Variants in ST8SIA1 observed in about 807,000 individuals in gnomAD.
ST8SIA1 encodes alpha-N-acetylneuraminide alpha-2,8-sialyltransferase.
In ST8SIA1, 16 loss-of-function variants were observed where a neutral mutation model predicts 35.9. That is an observed-to-expected ratio of 0.45 (90% CI 0.30 to 0.68). The LOEUF (loss-of-function observed/expected upper bound fraction) is 0.68, where lower values mean the gene tolerates loss of function less well. ST8SIA1 is among the 30% of genes least tolerant of loss of function. The pLI, the probability that ST8SIA1 is intolerant of heterozygous loss-of-function variation, is 0.09. For synonymous variants in ST8SIA1, 170 were observed against 169.6 expected, an observed-to-expected ratio of 1.00 and a Z score of -0.02; for missense variants, 383 against 453.6, an observed-to-expected ratio of 0.84 and a Z score of 1.41.
chr12:22,217,890 G>T (rs1865252077), intron 4 of ST8SIA1, among the ~76,000 whole-genome samples: 1 of 152,170 alleles, frequency 6.6e-6, no homozygotes, highest in Non-Finnish European at 1.5e-5. Context: ...CCTAGCCTTG[G>T]TATGTCTGTG....
intron 4 of ST8SIA1, among the ~76,000 whole-genome samples, chr12:22,247,053 C>T (rs959939118): frequency 6.6e-6 from 1 of 151,710 alleles, no homozygotes; most frequent in Non-Finnish European, 1.5e-5. Context: ...TATATTTTTT[C>T]CCCCAAAACA....
chr12:22,332,133 T>C lies in ST8SIA1; in HGVS notation c.236+1864A>G, dbSNP rs374502012. On this transcript the variant is annotated intron_variant, in intron 1 of 4. Coordinates refer to ENST00000396037, the MANE Select transcript of ST8SIA1 (RefSeq NM_003034.4). ...TCAAACTTATTTCAATAAGCAATGG[T>C]GCCTTTTACATGGTTTTACAGCCAC... is the stretch of plus-strand genomic sequence containing the variant. 2.7e-4 allele frequency among the ~76,000 whole-genome samples: 41 copies of C among 152,310 alleles called. No individual in the cohort carries two copies. In the East Asian group the frequency reaches 5.4e-3, roughly 20 times the overall value.
intron 2 of ST8SIA1, among the ~76,000 whole-genome samples, chr12:22,261,702 C>T (rs1360916923): frequency 3.9e-5 from 6 of 152,074 alleles, no homozygotes; most frequent in Admixed American, 2.0e-4. Context: ...GAAGAACAAC[C>T]GTGAGCCCCA....
At chr12:22,271,283 C>A (rs74068794) in intron 2 of ST8SIA1, among the ~76,000 whole-genome samples, 5,330 of 152,280 alleles carry the variant, frequency 0.035, 331 homozygotes, top group African/African-American at 0.12. Context: ...ACAGAAAGTT[C>A]AGAGTTGGCC....
At chr12:22,239,562 T>C (rs1051083627) in intron 4 of ST8SIA1, among the ~76,000 whole-genome samples, 12 of 152,254 alleles carry the variant, frequency 7.9e-5, no homozygotes, top group African/African-American at 2.4e-4. Flanking sequence ...CTTCTCATTC[T>C]TTTTATTTTC....
chr12:22,220,155 A>G (rs1865281188), intron 4 of ST8SIA1, among the ~76,000 whole-genome samples: 1 of 152,206 alleles, frequency 6.6e-6, no homozygotes, highest in Admixed American at 6.5e-5. Context: ...AAAAACATAT[A>G]CTGAGGAACA....
In ST8SIA1 at chr12:22,249,048, T is replaced by A; in HGVS notation, c.542A>T (p.Lys181Ile). The change falls in exon 4 of 5, where the codon AAA becomes ATA. Residue 181 changes from lysine to isoleucine, a missense_variant. Lys to Ile is a moderately radical substitution (Grantham distance 102). Coordinates refer to ENST00000396037, the MANE Select transcript of ST8SIA1 (RefSeq NM_003034.4). ...GGGATTAGCTGTCACTAACTGACTT[T>A]TGGATCCAACATCCTTAGTGTATTC... ...SSEYTKDVGS[K>I]SQLVTANPSI... The A allele has an allele frequency of 1.2e-6, 2 of 1,614,006 alleles. No homozygotes were observed. Among genetic ancestry groups the A allele is most frequent in the Non-Finnish European group, 8.5e-7 (1 of 1,179,942 alleles).
At chr12:22,319,686 T>C (rs1414582686) in intron 1 of ST8SIA1, among the ~76,000 whole-genome samples, 2 of 151,946 alleles carry the variant, frequency 1.3e-5, no homozygotes, top group Non-Finnish European at 1.5e-5. Context: ...TTGGCGAACA[T>C]GAAGGGAAAA....
chr12:22,277,359 T>C lies in ST8SIA1; in HGVS notation c.381+9790A>G, dbSNP rs568942876. Among the ~76,000 whole-genome samples, 397 of 149,712 alleles carry C rather than the reference T, an allele frequency of 2.7e-3. 3 individuals carry two copies. The highest frequency in any genetic ancestry group is 9.2e-3 in the African/African-American group (374 of 40,466). Reference sequence around the variant, plus strand: ...ATGTCACAGAAAGGCAAATTCATAATAGTGAACTTTTTTTTTTTTTTTTTT... The same window carrying C: ...ATGTCACAGAAAGGCAAATTCATAACAGTGAACTTTTTTTTTTTTTTTTTT... On this transcript the variant is annotated intron_variant, in intron 2 of 4. Coordinates refer to ENST00000396037, the MANE Select transcript of ST8SIA1 (RefSeq NM_003034.4).
intron 4 of ST8SIA1, among the ~76,000 whole-genome samples, chr12:22,228,920 G>A (rs1865385694): frequency 6.6e-6 from 1 of 152,028 alleles, no homozygotes; most frequent in South Asian, 2.1e-4. Context: ...TGGGCATGGT[G>A]GTGGGCATTT....
At chr12:22,320,977 AAG>A (rs1344901463) in intron 1 of ST8SIA1, among the ~76,000 whole-genome samples, 1 of 102,944 alleles carries the variant, frequency 9.7e-6, no homozygotes, top group African/African-American at 4.6e-5. Flanking sequence ...GAAAGAAAGA[AAG>A]AAAGAAAGAA....
chr12:22,213,831 A>G (rs1466278024), intron 4 of ST8SIA1, among the ~76,000 whole-genome samples: 3 of 152,018 alleles, frequency 2.0e-5, no homozygotes, highest in Admixed American at 2.0e-4. Context: ...TGGCTTGGGT[A>G]ACTGAGTGTG....
rs1380695436 is a variant in ST8SIA1 at position 22,199,648 on chromosome 12, T to G, written c.*1904A>C. ...ACTATCAACAAGTCATATTTTAAAT[T>G]CTAATTTTTATAATAACCTCACTAT... On this transcript the variant is annotated 3_prime_UTR_variant, in exon 5 of 5. Coordinates refer to ENST00000396037, the MANE Select transcript of ST8SIA1 (RefSeq NM_003034.4). 1 of 152,200 alleles carries G rather than the reference T, an allele frequency of 6.6e-6. No individual in the cohort carries two copies. Among genetic ancestry groups the G allele is most frequent in the Non-Finnish European group, 1.5e-5 (1 of 68,036 alleles). 9.4% of individuals were successfully genotyped at this position (152,200 alleles called of 1,614,324 possible). A position where few individuals can be genotyped will look rare whatever the true frequency, so the allele number is the denominator to read the frequency against.
chr12:22,234,328 T>C (rs1176803391), intron 4 of ST8SIA1, among the ~76,000 whole-genome samples: 3 of 152,030 alleles, frequency 2.0e-5, no homozygotes, highest in African/African-American at 7.2e-5. Flanking sequence ...CATGCCTCAG[T>C]GTTTCTATAA....
At chr12:22,328,866 G>A (rs912475269) in intron 1 of ST8SIA1, among the ~76,000 whole-genome samples, 2 of 152,164 alleles carry the variant, frequency 1.3e-5, no homozygotes, top group Non-Finnish European at 2.9e-5. Flanking sequence ...AGAGAAATGA[G>A]CAATGAAGGC....
At chr12:22,287,928 C>T (rs898565885) in intron 1 of ST8SIA1, among the ~76,000 whole-genome samples, 1 of 152,148 alleles carries the variant, frequency 6.6e-6, no homozygotes, top group African/African-American at 2.4e-5. Context: ...CTTTTTGGTT[C>T]TCACTTTGGC....
chr12:22,327,911 C>T (rs939422265), intron 1 of ST8SIA1, among the ~76,000 whole-genome samples: 2 of 152,098 alleles, frequency 1.3e-5, no homozygotes, highest in African/African-American at 2.4e-5. Flanking sequence ...TTCTTAATTA[C>T]GCATACTTTC....
chr12:22,234,084 A>G (rs1865448713), intron 4 of ST8SIA1, among the ~76,000 whole-genome samples: 1 of 151,946 alleles, frequency 6.6e-6, no homozygotes. Context: ...ACATGGTGAA[A>G]CCCTGTCTCT....
intron 1 of ST8SIA1, among the ~76,000 whole-genome samples, chr12:22,312,482 T>A (rs961480497): frequency 6.6e-6 from 1 of 152,198 alleles, no homozygotes; most frequent in African/African-American, 2.4e-5. Flanking sequence ...GAGCAGCAGT[T>A]GGCAACAGAA....
Sources: allele counts gnomAD v4.1 joint callset (sites outside exome capture counted in the v4.1 genomes callset), GRCh38; gene constraint gnomAD v4.1.1; transcripts MANE v1.5; gene names NCBI Gene and HGNC (gene_info 2026-07-23, HGNC 2026-07-21).